Variants in CTNNA2 observed in about 807,000 individuals in gnomAD.
CTNNA2 encodes the protein catenin alpha 2.
CTNNA2 carries 42 observed loss-of-function variants against 101.0 expected under a neutral mutation model. The ratio of observed to expected loss-of-function variants is 0.42; its 90% CI spans 0.32 to 0.54. The LOEUF (loss-of-function observed/expected upper bound fraction) is 0.54, where lower values mean the gene tolerates loss of function less well. CTNNA2 is among the 20% of genes least tolerant of loss of function. CTNNA2 has a pLI of 0.14. For synonymous variants in CTNNA2, 450 were observed against 456.4 expected (o/e 0.99, Z 0.18); for missense variants, 871 against 1,223.1 (o/e 0.71, Z 4.29).
rs111235172 is a variant in CTNNA2, at chr2:79,216,357, T to A, written c.-406+18281T>A. 3.9e-3 allele frequency among the ~76,000 whole-genome samples: 584 copies of A among 150,718 alleles called. 2 individuals carry two copies. The highest frequency in any genetic ancestry group is 0.014 in the Middle Eastern group (4 of 292). ...AAGAGAGAGACACGGAGGGAAGGGG[T>A]TTGGGGGTTCTTACCCTCCAGAAAA... On this transcript the variant is annotated intron_variant, in intron 2 of 21. Transcript: ENST00000466387.
chr2:80,098,685 C>A (rs2148835677), intron 7 of CTNNA2, among the ~76,000 whole-genome samples: 1 of 152,320 alleles, frequency 6.6e-6, no homozygotes, highest in Admixed American at 6.5e-5. Flanking sequence ...CTTTGTTTAC[C>A]TACTCAAGCC....
intron 9 of CTNNA2, among the ~76,000 whole-genome samples, chr2:80,450,579 T>A (rs1009987696): frequency 6.6e-6 from 1 of 152,284 alleles, no homozygotes; most frequent in African/African-American, 2.4e-5. Flanking sequence ...CCCCTCCAAG[T>A]CTATCTTTTT....
At chr2:79,937,824 G>A (rs925132056) in intron 7 of CTNNA2, among the ~76,000 whole-genome samples, 18 of 152,150 alleles carry the variant, frequency 1.2e-4, no homozygotes, top group African/African-American at 4.3e-4. Flanking sequence ...GTAATTCTGT[G>A]GTGCTTAATG....
chr2:80,047,879 A>G (rs1386829448), intron 7 of CTNNA2, among the ~76,000 whole-genome samples: 1 of 152,214 alleles, frequency 6.6e-6, no homozygotes, highest in Non-Finnish European at 1.5e-5. Context: ...CAGATGCAGG[A>G]GCGTGAGCAA....
chr2:79,614,392 C>T (rs940981824), intron 1 of CTNNA2, among the ~76,000 whole-genome samples: 3 of 152,134 alleles, frequency 2.0e-5, no homozygotes, highest in South Asian at 2.1e-4. Flanking sequence ...ATATAAAAAT[C>T]TTGTTTCAAT....
At chr2:79,515,335 G>A (rs1285933866) in intron 1 of CTNNA2, among the ~76,000 whole-genome samples, 2 of 152,192 alleles carry the variant, frequency 1.3e-5, no homozygotes, top group East Asian at 3.8e-4. Context: ...TTATACATGA[G>A]CATAATAAGT....
chr2:79,724,643 G>A (rs1686703009), intron 2 of CTNNA2, among the ~76,000 whole-genome samples: 1 of 151,766 alleles, frequency 6.6e-6, no homozygotes. Flanking sequence ...GTGAAACCCT[G>A]TCTCTACTAA....
At chr2:79,195,894 A>G in intron 1 of CTNNA2, 1 of 493,070 alleles carries the variant, frequency 2.0e-6, no homozygotes, top group Non-Finnish European at 4.0e-6. Context: ...TAGGGGGCAG[A>G]GGTGCAGAGG....
intron 6 of CTNNA2, among the ~76,000 whole-genome samples, chr2:79,885,493 C>G (rs1037136447): frequency 1.3e-5 from 2 of 152,124 alleles, no homozygotes; most frequent in Admixed American, 1.3e-4. Flanking sequence ...ATAAGTGTCT[C>G]CTGGGAAAAT....
At chr2:80,062,761 A>G (rs1558771514) in intron 7 of CTNNA2, among the ~76,000 whole-genome samples, 1 of 136,618 alleles carries the variant, frequency 7.3e-6, no homozygotes, top group African/African-American at 2.9e-5. Context: ...GCTGGAGTGC[A>G]GTGGCACTAT....
At chr2:79,851,737 C>CTTTTTTTTTTTTTTTTTTTTTTTTTTTT (rs11399192) in intron 3 of CTNNA2, among the ~76,000 whole-genome samples, 1 of 87,124 alleles carries the variant, frequency 1.1e-5, no homozygotes. Flanking sequence ...TTTTCTTTTC[C>CTTTTTTTTTTTTTTTTTTTTTTTTTTTT]TTTTTTTTTT....
chr2:79,623,425 T>G (rs573941780), intron 1 of CTNNA2, among the ~76,000 whole-genome samples: 1 of 152,286 alleles, frequency 6.6e-6, no homozygotes, highest in Non-Finnish European at 1.5e-5. Flanking sequence ...ATCAGCTATT[T>G]GTGATCTAGA....
chr2:79,551,788 G>C (rs1234083514), intron 1 of CTNNA2, among the ~76,000 whole-genome samples: 1 of 152,178 alleles, frequency 6.6e-6, no homozygotes, highest in Non-Finnish European at 1.5e-5. Flanking sequence ...GAAGGAGGAA[G>C]AAGGGAGTGG....
intron 3 of CTNNA2, among the ~76,000 whole-genome samples, chr2:79,340,679 A>G (rs1269924483): frequency 2.0e-5 from 3 of 151,978 alleles, no homozygotes; most frequent in Non-Finnish European, 2.9e-5. Flanking sequence ...TAAAAATACA[A>G]AAATTTAGCC....
intron 7 of CTNNA2, among the ~76,000 whole-genome samples, chr2:80,071,766 G>A (rs2148780247): frequency 6.6e-6 from 1 of 152,308 alleles, no homozygotes; most frequent in East Asian, 1.9e-4. Flanking sequence ...TAACAGATGA[G>A]CTCATCGGCA....
At chr2:80,041,668 A>G (rs1196873011) in intron 7 of CTNNA2, among the ~76,000 whole-genome samples, 1 of 152,216 alleles carries the variant, frequency 6.6e-6, no homozygotes, top group African/African-American at 2.4e-5. Context: ...GAGTTCCCAT[A>G]GTCATAGTAT....
chr2:79,479,222 C>G (rs1402706238), intron 4 of CTNNA2, among the ~76,000 whole-genome samples: 1 of 152,156 alleles, frequency 6.6e-6, no homozygotes, highest in Non-Finnish European at 1.5e-5. Context: ...GCTCATTAAT[C>G]CCTTTCACTA....
At chr2:80,321,818 A>G (rs974257964) in intron 7 of CTNNA2, among the ~76,000 whole-genome samples, 8 of 152,314 alleles carry the variant, frequency 5.3e-5, no homozygotes, top group South Asian at 2.1e-4. Flanking sequence ...TACTGTGACT[A>G]TGTTTAATCA....
Position 80,604,144 on chromosome 2 carries a change from C to T in CTNNA2, c.2260C>T (p.Arg754Ter). The T allele has an allele frequency of 1.9e-6, 3 of 1,613,026 alleles. No individual in the cohort carries two copies. Among genetic ancestry groups the T allele is most frequent in the Non-Finnish European group, 2.5e-6 (3 of 1,179,418 alleles). Residue 754 changes from arginine to a stop codon, truncating the protein, a stop_gained, in exon 16 of 19, where the codon CGA (arginine) becomes TGA (stop). Coordinates refer to ENST00000402739, the MANE Select transcript of CTNNA2 (RefSeq NM_001282597.3). LOFTEE classifies it high-confidence loss of function. ...CAAGAAAATTGCCGAAGCAGGTTCT[C>T]GAATGGACAAATTAGCTCGTGCTGT... is the stretch of plus-strand genomic sequence containing the variant. ...AAKKIAEAGS[R>*]MDKLARAVAD... is the part of the protein sequence containing the mutation.
Sources: allele counts gnomAD v4.1 joint callset (sites outside exome capture counted in the v4.1 genomes callset), GRCh38; gene constraint gnomAD v4.1.1; transcripts MANE v1.5; gene names NCBI Gene and HGNC (gene_info 2026-07-23, HGNC 2026-07-21).